Variants in ENOX1 observed in about 807,000 individuals in gnomAD.
ENOX1 encodes the protein candidate growth-related and time keeping constitutive hydroquinone (NADH) oxidase.
In ENOX1, 42 loss-of-function variants were observed where a neutral mutation model predicts 82.5. The ratio of observed to expected loss-of-function variants is 0.51; its 90% CI spans 0.40 to 0.66. The LOEUF (loss-of-function observed/expected upper bound fraction) is 0.66. Ranked by LOEUF, ENOX1 falls within the 30% of genes least tolerant of loss-of-function variation. ENOX1 has a pLI of 0.00. For synonymous variants in ENOX1, 271 were observed against 282.2 expected (o/e 0.96, Z 0.40); for missense variants, 608 against 811.6 (o/e 0.75, Z 3.05).
At chr13:43,628,685 A>G (rs2083075187) in intron 2 of ENOX1, among the ~76,000 whole-genome samples, 1 of 152,196 alleles carries the variant, frequency 6.6e-6, no homozygotes, top group Non-Finnish European at 1.5e-5. Flanking sequence ...TTGAAAGCTG[A>G]ACATTTTTAT....
At chr13:43,586,793 G>T (rs192030328) in intron 2 of ENOX1, among the ~76,000 whole-genome samples, 1 of 152,034 alleles carries the variant, frequency 6.6e-6, no homozygotes, top group Non-Finnish European at 1.5e-5. Context: ...TAAAAGAGGC[G>T]GTGGCTCACG....
chr13:43,483,866 C>T (rs1423987657), intron 3 of ENOX1, 143 bp downstream of exon 3: 5 of 319,296 alleles, frequency 1.6e-5, no homozygotes, highest in Non-Finnish European at 1.4e-5. Flanking sequence ...TTAAATCTAA[C>T]TTTCAATGAA....
intron 2 of ENOX1, among the ~76,000 whole-genome samples, chr13:43,631,885 C>T (rs1466191745): frequency 6.6e-6 from 1 of 152,056 alleles, no homozygotes; most frequent in Non-Finnish European, 1.5e-5. Flanking sequence ...TGTATACTAC[C>T]TTCTAAAATT....
At chr13:43,658,400 T>C (rs1049383349) in intron 2 of ENOX1, among the ~76,000 whole-genome samples, 3 of 152,220 alleles carry the variant, frequency 2.0e-5, no homozygotes, top group African/African-American at 7.2e-5. Flanking sequence ...GTTAGGTTTT[T>C]TATCACACAC....
chr13:43,520,620 G>A (rs554511831), intron 2 of ENOX1, among the ~76,000 whole-genome samples: 4 of 152,254 alleles, frequency 2.6e-5, no homozygotes, highest in East Asian at 3.9e-4. Context: ...ACCATCACAC[G>A]AACCATGCAG....
intron 2 of ENOX1, among the ~76,000 whole-genome samples, chr13:43,656,727 G>A (rs1416496888): frequency 6.6e-6 from 1 of 152,154 alleles, no homozygotes; most frequent in East Asian, 1.9e-4. Context: ...AATCTGGAGG[G>A]CACCAAATAG....
intron 3 of ENOX1, among the ~76,000 whole-genome samples, chr13:43,479,933 A>T (rs9525790): frequency 2.8e-5 from 3 of 107,990 alleles, no homozygotes; most frequent in Non-Finnish European, 7.1e-5. Flanking sequence ...ATTTATTTTT[A>T]TTTTTATTTT....
intron 1 of ENOX1, among the ~76,000 whole-genome samples, chr13:43,768,234 C>CAAGTT (rs1951397794): frequency 6.6e-6 from 1 of 152,188 alleles, no homozygotes; most frequent in Non-Finnish European, 1.5e-5. Flanking sequence ...ACCCAAAAAA[C>CAAGTT]CATAGCAGAC....
At chr13:43,540,956 A>T (rs563381302) in intron 2 of ENOX1, among the ~76,000 whole-genome samples, 1 of 152,228 alleles carries the variant, frequency 6.6e-6, no homozygotes, top group South Asian at 2.1e-4. Flanking sequence ...GATGTCAAGG[A>T]TGATGTTGGT....
Position 43,741,619 on chromosome 13 carries a change from C to T in ENOX1, c.-285+45033G>A, listed in dbSNP as rs868003768. ...CCTTTTTTATTAAGTTGCATGAGTT[C>T]TTTACATATCCAATATACAAGTCCC... On this transcript the variant is annotated intron_variant, in intron 1 of 16. Coordinates refer to ENST00000690772, the MANE Select transcript of ENOX1 (RefSeq NM_001347969.2). 3.4e-4 allele frequency among the ~76,000 whole-genome samples: 51 copies of T among 152,222 alleles called. No individual in the cohort carries two copies. The Middle Eastern group carries it at 0.02, about 61-fold the overall frequency.
rs139635077 is a variant in ENOX1, at chr13:43,542,086, C to A, written c.-218-57934G>T. ...GATACACTTCCCTCAACTGCAAAAA[C>A]AAACAGTAGAGATGCCAGAGGTCCC... On this transcript the variant is annotated intron_variant, in intron 2 of 16. Coordinates refer to ENST00000690772, the MANE Select transcript of ENOX1 (RefSeq NM_001347969.2). Among the ~76,000 whole-genome samples the A allele has an allele frequency of 5.3e-3, 801 of 152,284 alleles. 7 individuals carry two copies. The highest frequency in any genetic ancestry group is 0.018 in the African/African-American group (739 of 41,552).
chr13:43,497,728 T>C (rs1177752796), intron 2 of ENOX1, among the ~76,000 whole-genome samples: 1 of 152,116 alleles, frequency 6.6e-6, no homozygotes, highest in African/African-American at 2.4e-5. Context: ...GGACTTGGTA[T>C]TAGAATTACA....
At chr13:43,260,859 G>C (rs552234028) in intron 14 of ENOX1, among the ~76,000 whole-genome samples, 1 of 152,208 alleles carries the variant, frequency 6.6e-6, no homozygotes, top group African/African-American at 2.4e-5. Context: ...AAAGAAACTG[G>C]AATAAAGGTT....
At chr13:43,542,092 G>C (rs2078756203) in intron 2 of ENOX1, among the ~76,000 whole-genome samples, 1 of 152,148 alleles carries the variant, frequency 6.6e-6, no homozygotes, top group Non-Finnish European at 1.5e-5. Context: ...AAAACAAACA[G>C]TAGAGATGCC....
At chr13:43,572,871 T>C (rs1440888645) in intron 2 of ENOX1, among the ~76,000 whole-genome samples, 1 of 152,232 alleles carries the variant, frequency 6.6e-6, no homozygotes, top group African/African-American at 2.4e-5. Flanking sequence ...GGCCAGTTCT[T>C]GCCATTTTCA....
chr13:43,301,577 C>CT (rs2046579034), intron 11 of ENOX1, among the ~76,000 whole-genome samples: 1 of 120,416 alleles, frequency 8.3e-6, no homozygotes, highest in African/African-American at 2.8e-5. Context: ...CTGTAATTCC[C>CT]CCACCAAAAA....
At chr13:43,637,172 G>GC (rs2083445786) in intron 2 of ENOX1, among the ~76,000 whole-genome samples, 1 of 152,138 alleles carries the variant, frequency 6.6e-6, no homozygotes, top group East Asian at 1.9e-4. Flanking sequence ...GCTATGAAAA[G>GC]CCCAGCGTGT....
chr13:43,454,145 AT>A (rs1669312701), intron 3 of ENOX1, among the ~76,000 whole-genome samples: 1 of 152,162 alleles, frequency 6.6e-6, no homozygotes, highest in African/African-American at 2.4e-5. Context: ...TATTAAAGTA[AT>A]ATATGCCTAT....
Position 43,557,701 on chromosome 13 carries a change from G to A in ENOX1, c.-218-73549C>T, listed in dbSNP as rs115022309. ...TAGTTCCAGCTACTCAGGAGGCTGA[G>A]GCAGGAGGATCATTTGAGCCCAGGC... On this transcript the variant is annotated intron_variant, in intron 2 of 16. Coordinates refer to ENST00000690772, the MANE Select transcript of ENOX1 (RefSeq NM_001347969.2). Among the ~76,000 whole-genome samples the A allele has an allele frequency of 2.7e-3, 405 of 152,288 alleles. 4 individuals are homozygous for A. The highest frequency in any genetic ancestry group is 9.1e-3 in the African/African-American group (378 of 41,566).
Sources: gnomAD v4.1 joint callset for allele counts (sites outside exome capture counted in the v4.1 genomes callset) on GRCh38, gnomAD v4.1.1 for gene constraint, MANE v1.5 for transcripts, NCBI Gene and HGNC (gene_info 2026-07-23, HGNC 2026-07-21) for gene names.